KIAA0319: variants seen among roughly 807,000 people sequenced by gnomAD.
The protein encoded by KIAA0319 is dyslexia-associated protein KIAA0319.
A neutral mutation model predicts 108.4 loss-of-function variants in KIAA0319; 83 were observed. That is an observed-to-expected ratio of 0.77 (90% CI 0.64 to 0.92). The LOEUF is 0.92. Ranked by LOEUF, KIAA0319 falls within the 40% of genes least tolerant of loss-of-function variation. KIAA0319 has a pLI of 0.00. For synonymous variants in KIAA0319, 484 were observed against 510.4 expected, an observed-to-expected ratio of 0.95 and a Z score of 0.70; for missense variants, 1,195 against 1,322.4, an observed-to-expected ratio of 0.90 and a Z score of 1.49.
downstream of KIAA0319, among the ~76,000 whole-genome samples, chr6:24,542,877 T>C (rs544247784): frequency 6.6e-6 from 1 of 152,342 alleles, no homozygotes; most frequent in Admixed American, 6.5e-5. Flanking sequence ...GACTCAGATG[T>C]ATCAACCAAC....
intron 10 of KIAA0319, among the ~76,000 whole-genome samples, chr6:24,573,074 A>T (rs968811086): frequency 6.6e-6 from 1 of 152,200 alleles, no homozygotes; most frequent in Non-Finnish European, 1.5e-5. Context: ...GTGGGCTGAG[A>T]CTGCACCACT....
chr6:24,628,614 C>A (rs1194316459), intron 1 of KIAA0319, among the ~76,000 whole-genome samples: 3 of 152,020 alleles, frequency 2.0e-5, no homozygotes, highest in African/African-American at 7.3e-5. Context: ...AACTAAGCAC[C>A]GGAAAACAAC....
Position 24,554,558 on chromosome 6 carries a change from G to T in KIAA0319, c.2931C>A (p.Cys977Ter). 6.2e-7 allele frequency: 1 copy of T among 1,613,426 alleles called. No homozygotes were observed. Among genetic ancestry groups the T allele is most frequent in the Non-Finnish European group, 8.5e-7 (1 of 1,179,446 alleles). ...IVLTGGFTWL[C>*]ICCCKRQKRT... is the part of the protein sequence containing the mutation. Reference sequence around the variant, plus strand: ...CTAGGTACCTTTTGCAGCAGCAGATGCAAAGCCAAGTGAAACCTCCTGTTA... The same window carrying T: ...CTAGGTACCTTTTGCAGCAGCAGATTCAAAGCCAAGTGAAACCTCCTGTTA... Residue 977 changes from cysteine to a stop codon, truncating the protein, a stop_gained, in exon 19 of 21, where the codon TGC (cysteine) becomes TGA (stop). Transcript: ENST00000378214. LOFTEE classifies it high-confidence loss of function.
intron 20 of KIAA0319, 84 bp from the exon 21 acceptor site, chr6:24,547,427 T>TGGGCAC: frequency 8.3e-7 from 1 of 1,199,158 alleles, no homozygotes; most frequent in Non-Finnish European, 1.2e-6. Context: ...GGTCCTGTGA[T>TGGGCAC]GGGCACGGAG....
At chr6:24,588,810 ATTG>A (rs773743253) in intron 3 of KIAA0319, 25 bp from the exon 4 acceptor site, 1 of 1,571,352 alleles carries the variant, frequency 6.4e-7, no homozygotes, top group Non-Finnish European at 8.7e-7. Context: ...ACAAGGATAA[ATTG>A]TTATTAAAAA....
Position 24,599,132 on chromosome 6 carries a change from T to C in KIAA0319, c.55+1917A>G, listed in dbSNP as rs1326107553. 3 of 644,826 alleles carry C rather than the reference T, an allele frequency of 4.7e-6. No homozygotes were observed. The highest frequency in any genetic ancestry group is 5.6e-6 in the Non-Finnish European group (2 of 358,916). The allele number at this position is 644,826 out of a possible 1,614,324, so 39.9% of individuals were successfully genotyped here. On this transcript the variant is annotated intron_variant, in intron 2 of 20. Coordinates refer to ENST00000378214, the MANE Select transcript of KIAA0319 (RefSeq NM_014809.4). This position sits in a 1 kb window ranked among gnomAD's most constrained non-coding sequence, Gnocchi z 4.1. Reference sequence around the variant, plus strand: ...GGTCCCTGGACATGGACAGCATCATTGCTGAGGTCAAGGCCCAGTACAAGG... The same window carrying C: ...GGTCCCTGGACATGGACAGCATCATCGCTGAGGTCAAGGCCCAGTACAAGG...
intron 1 of KIAA0319, among the ~76,000 whole-genome samples, chr6:24,622,390 G>T (rs1197934708): frequency 1.4e-5 from 2 of 142,122 alleles, no homozygotes; most frequent in East Asian, 4.2e-4. Flanking sequence ...AAGGAACAAA[G>T]AAAAACTTTA....
chr6:24,642,500 C>T (rs1777097360), intron 1 of KIAA0319, among the ~76,000 whole-genome samples: 1 of 152,104 alleles, frequency 6.6e-6, no homozygotes, highest in South Asian at 2.1e-4. Context: ...CCCATACTTC[C>T]CCATCATCAC....
intron 20 of KIAA0319, 90 bp from the exon 21 acceptor site, chr6:24,547,433 C>A: frequency 2.8e-6 from 3 of 1,082,098 alleles, no homozygotes; most frequent in Non-Finnish European, 4.1e-6. Context: ...GTGATGGGCA[C>A]GGAGTGGTGC....
rs1770338150 is a variant in KIAA0319 at position 24,599,844 on chromosome 6, G to C, written c.55+1205C>G. ...CCCTCCTGTGACTGCCCCAGAGCCT[G>C]TGGGGGAGGCCACTGTGCAGGGGAG... On this transcript the variant is annotated intron_variant, in intron 2 of 20. Coordinates refer to ENST00000378214, the MANE Select transcript of KIAA0319 (RefSeq NM_014809.4). This position sits in a 1 kb window ranked among gnomAD's most constrained non-coding sequence, Gnocchi z 4.1. The C allele has an allele frequency of 2.3e-6, 1 of 435,684 alleles. No homozygotes were observed. Among genetic ancestry groups the C allele is most frequent in the Non-Finnish European group, 4.3e-6 (1 of 230,902 alleles). The allele number at this position is 435,684 out of a possible 1,614,324, so 27.0% of individuals were successfully genotyped here.
At chr6:24,590,806 C>T (rs143082711) in intron 3 of KIAA0319, among the ~76,000 whole-genome samples, 27 of 152,278 alleles carry the variant, frequency 1.8e-4, no homozygotes, top group Admixed American at 6.5e-4. Flanking sequence ...CATGCCAATT[C>T]TTCCCTTCAC....
intron 11 of KIAA0319, among the ~76,000 whole-genome samples, chr6:24,571,333 A>G (rs1257411905): frequency 1.3e-5 from 2 of 151,156 alleles, no homozygotes; most frequent in Non-Finnish European, 2.9e-5. Context: ...GCTTGAGTCC[A>G]GGAGTTTGAG....
intron 3 of KIAA0319, among the ~76,000 whole-genome samples, chr6:24,589,279 C>A (rs1426049883): frequency 5.9e-5 from 9 of 152,160 alleles, no homozygotes; most frequent in African/African-American, 2.2e-4. Flanking sequence ...TGTAAGCACA[C>A]AGCAAAAAGA....
intron 1 of KIAA0319, among the ~76,000 whole-genome samples, chr6:24,618,435 G>T (rs1256048517): frequency 1.3e-5 from 2 of 151,826 alleles, no homozygotes; most frequent in African/African-American, 4.8e-5. Context: ...ATAGTGAGAT[G>T]TCATCTCTAT....
chr6:24,579,196 T>A (rs909423757), intron 8 of KIAA0319, among the ~76,000 whole-genome samples: 2 of 152,080 alleles, frequency 1.3e-5, no homozygotes, highest in African/African-American at 4.8e-5. Flanking sequence ...ACAGGATGTT[T>A]TCAACCTATT....
At chr6:24,608,705 C>T (rs1468504146) in intron 1 of KIAA0319, among the ~76,000 whole-genome samples, 2 of 151,354 alleles carry the variant, frequency 1.3e-5, no homozygotes, top group African/African-American at 4.9e-5. Context: ...CCGAGGCGGG[C>T]GGATCACGAG....
rs756447154 is a variant in KIAA0319, at chr6:24,596,558, T to C, written c.116A>G (p.Asn39Ser). 1 of 1,613,786 alleles carries C rather than the reference T, an allele frequency of 6.2e-7. No homozygotes were observed. Among genetic ancestry groups the C allele is most frequent in the South Asian group, 1.1e-5 (1 of 91,068 alleles). Residue 39 changes from asparagine to serine, a missense_variant, in exon 3 of 21, where the codon AAC becomes AGC. Transcript: ENST00000378214. The stretch of plus-strand genomic sequence containing the variant: ...CCGCATGATTCTGGTGGTTTCCAAG[T>C]TAGGTGAAATGACTGCATTGGAATA... The part of the protein sequence containing the change: ...RTYSNAVISP[N>S]LETTRIMRVS...
Position 24,546,973 on chromosome 6 carries a change from C to T in KIAA0319, c.*192G>A. 1 of 552,950 alleles carries T rather than the reference C, an allele frequency of 1.8e-6. No homozygotes were observed. Among genetic ancestry groups the T allele is most frequent in the Non-Finnish European group, 3.2e-6 (1 of 310,352 alleles). 34.3% of individuals were successfully genotyped at this position (552,950 alleles called of 1,614,324 possible). Reference sequence around the variant, plus strand: ...CCCAGCCTTTATTTCTATTAACAAGCATCTCAGTTAAAAGAGCAAAGTTTT... The same window carrying T: ...CCCAGCCTTTATTTCTATTAACAAGTATCTCAGTTAAAAGAGCAAAGTTTT... On this transcript the variant is annotated 3_prime_UTR_variant, in exon 21 of 21. Coordinates refer to ENST00000378214, the MANE Select transcript of KIAA0319 (RefSeq NM_014809.4).
intron 1 of KIAA0319, among the ~76,000 whole-genome samples, chr6:24,640,143 T>C (rs1250395865): frequency 6.6e-6 from 1 of 152,192 alleles, no homozygotes; most frequent in Non-Finnish European, 1.5e-5. Flanking sequence ...ATACAATGTG[T>C]AATGTTACTA....
Sources: gnomAD v4.1 joint callset for allele counts (sites outside exome capture counted in the v4.1 genomes callset) on GRCh38, gnomAD v4.1.1 for gene constraint, Gnocchi (gnomAD v3.1) non-coding constraint, MANE v1.5 for transcripts, NCBI Gene and HGNC (gene_info 2026-07-23, HGNC 2026-07-21) for gene names.